PSG2: variants seen among roughly 807,000 people sequenced by gnomAD.
PSG2 encodes the protein pregnancy-specific beta-1-glycoprotein 2.
PSG2 carries 49 observed loss-of-function variants against 36.2 expected under a neutral mutation model. That is an observed-to-expected ratio of 1.35 (90% CI 1.08 to 1.72). The LOEUF is 1.72. Ranked by LOEUF, PSG2 falls within the 40% of genes most tolerant of loss-of-function variation. The pLI is 0.00. For synonymous variants in PSG2, 261 were observed against 155.6 expected (o/e 1.68, Z -5.04); for missense variants, 605 against 407.2 (o/e 1.49, Z -4.18).
intron 2 of PSG2, among the ~76,000 whole-genome samples, chr19:43,078,850 G>C (rs1967932690): frequency 6.6e-6 from 1 of 151,594 alleles, no homozygotes; most frequent in Non-Finnish European, 1.5e-5. Context: ...AGTGGTTGGA[G>C]GGACTTCCTA....
intron 2 of PSG2, among the ~76,000 whole-genome samples, chr19:43,080,033 G>T (rs1219691097): frequency 4.0e-5 from 6 of 151,738 alleles, no homozygotes; most frequent in South Asian, 4.1e-4. Context: ...AAATGTTAAA[G>T]TATTCACAGT....
chr19:43,075,851 T>C (rs1162288595), intron 2 of PSG2, among the ~76,000 whole-genome samples: 1 of 151,310 alleles, frequency 6.6e-6, no homozygotes, highest in Non-Finnish European at 1.5e-5. Context: ...CTTTCTCAGG[T>C]GTGTATTGAG....
chr19:43,068,415 G>T (rs1345933517), intron 4 of PSG2, among the ~76,000 whole-genome samples: 1 of 149,698 alleles, frequency 6.7e-6, no homozygotes, highest in Non-Finnish European at 1.5e-5. Flanking sequence ...TTCCATCCTG[G>T]GCTGGCCTAC....
At chr19:43,067,680 G>C (rs1259115425) in intron 4 of PSG2, among the ~76,000 whole-genome samples, 2 of 151,214 alleles carry the variant, frequency 1.3e-5, no homozygotes, top group Non-Finnish European at 2.9e-5. Context: ...AGGACTATTT[G>C]ACCTCAAGGT....
At chr19:43,071,443 A>G (rs906224716) in intron 4 of PSG2, among the ~76,000 whole-genome samples, 5 of 151,610 alleles carry the variant, frequency 3.3e-5, no homozygotes, top group South Asian at 4.2e-4. Context: ...AGCCTCTTCT[A>G]CCACATAGGG....
chr19:43,072,928 C>A (rs919170366), intron 3 of PSG2, among the ~76,000 whole-genome samples: 12 of 151,760 alleles, frequency 7.9e-5, no homozygotes, highest in South Asian at 2.1e-4. Context: ...CAGTCTCTCC[C>A]TAATCAGTTG....
At chr19:43,072,596 T>C in intron 3 of PSG2, 3 of 1,611,484 alleles carry the variant, frequency 1.9e-6, no homozygotes, top group Non-Finnish European at 2.5e-6. Flanking sequence ...GGGGTTTAAG[T>C]TGTTGATGGT....
In PSG2 at chr19:43,071,302, T is replaced by A. The variant is rs369816778; in HGVS notation, c.964+398A>T. Among the ~76,000 whole-genome samples, 9 of 151,360 alleles carry A rather than the reference T, an allele frequency of 5.9e-5. No individual in the cohort carries two copies. In the South Asian group the frequency reaches 1.9e-3, roughly 32 times the overall value. On this transcript the variant is annotated intron_variant, in intron 4 of 5. Transcript: ENST00000406487. ...ATTTGGGGGAAAAGTGTGAGCTTGT[T>A]TCAAAGCCTCAGATGTTCCTTGTAG...
rs1973302 is a variant in PSG2, at chr19:43,074,311, G to T, written c.709+1043C>A. Among the ~76,000 whole-genome samples, 10 of 151,286 alleles carry T rather than the reference G, an allele frequency of 6.6e-5. 1 individual carries two copies. Among genetic ancestry groups the T allele is most frequent in the East Asian group, 3.9e-4 (2 of 5,190 alleles). ...AGTATTGTCTTTCTAACAATATTGA[G>T]TCTTCCAATCCATGAAAATGAAATG... On this transcript the variant is annotated intron_variant, in intron 3 of 5. Coordinates refer to ENST00000406487, the MANE Select transcript of PSG2 (RefSeq NM_031246.4).
At chr19:43,075,854 G>T (rs1967888388) in intron 2 of PSG2, among the ~76,000 whole-genome samples, 1 of 151,540 alleles carries the variant, frequency 6.6e-6, no homozygotes, top group Non-Finnish European at 1.5e-5. Flanking sequence ...TCTCAGGTGT[G>T]TATTGAGCAG....
chr19:43,075,660 C>T (rs1234464511), intron 2 of PSG2, 28 bp from the exon 3 acceptor site: 1 of 1,598,568 alleles, frequency 6.3e-7, no homozygotes, highest in Non-Finnish European at 8.5e-7. Flanking sequence ...AGAAGATTGC[C>T]CTGTGTGGCA....
rs139224088 is a variant in PSG2, at chr19:43,079,426, T to C, written c.430+1455A>G. On this transcript the variant is annotated intron_variant, in intron 2 of 5. Coordinates refer to ENST00000406487, the MANE Select transcript of PSG2 (RefSeq NM_031246.4). ...AGGGACAGGTGTGGCTAGGACCTCC[T>C]AGGATTCTGCATCCAACATCCAGTC... 2.0e-5 allele frequency among the ~76,000 whole-genome samples: 3 copies of C among 151,630 alleles called. 1 individual carries two copies. In the South Asian group the frequency reaches 6.2e-4, roughly 32 times the overall value.
At chr19:43,078,109 C>G (rs1371018663) in intron 2 of PSG2, among the ~76,000 whole-genome samples, 2 of 151,760 alleles carry the variant, frequency 1.3e-5, no homozygotes, top group African/African-American at 2.4e-5. Context: ...TGACAGCAAA[C>G]TAGCATGGCT....
intron 2 of PSG2, among the ~76,000 whole-genome samples, chr19:43,077,657 T>C (rs1407494499): frequency 6.6e-6 from 1 of 151,724 alleles, no homozygotes; most frequent in Non-Finnish European, 1.5e-5. Context: ...CCTGGTCACC[T>C]CCAACTGGTC....
rs1375909858 is a variant in PSG2 at position 43,075,351 on chromosome 19, C to A, written c.709+3G>T. ...GGCCCACAGAGGAACAGAAGATACT[C>A]ACGGAGGAGATTCAGGGTGACTGGG... On this transcript the variant is annotated splice_donor_region_variant and intron_variant, in intron 3 of 5. Coordinates refer to ENST00000406487, the MANE Select transcript of PSG2 (RefSeq NM_031246.4). 62 of 1,613,114 alleles carry A rather than the reference C, an allele frequency of 3.8e-5. 1 individual carries two copies. Among genetic ancestry groups the A allele is most frequent in the Non-Finnish European group, 5.2e-5 (61 of 1,179,582 alleles).
chr19:43,064,452 C>A lies in PSG2; in HGVS notation c.*190G>T, dbSNP rs937364508. 17 of 414,342 alleles carry A rather than the reference C, an allele frequency of 4.1e-5. No homozygotes were observed. Among genetic ancestry groups the A allele is most frequent in the East Asian group, 7.5e-5 (2 of 26,570 alleles). The allele number at this position is 414,342 out of a possible 1,614,324, so 25.7% of individuals were successfully genotyped here. ...TCCTTTTGATTATTTAGTCCAATAACATTGAGTATTTTTCTTCTTTGTCTT... is the reference window on the plus strand; with the variant it reads ...TCCTTTTGATTATTTAGTCCAATAAAATTGAGTATTTTTCTTCTTTGTCTT... On this transcript the variant is annotated 3_prime_UTR_variant, in exon 6 of 6. Coordinates refer to ENST00000406487, the MANE Select transcript of PSG2 (RefSeq NM_031246.4).
At chr19:43,067,676 A>G (rs747886429) in intron 4 of PSG2, among the ~76,000 whole-genome samples, 5 of 151,254 alleles carry the variant, frequency 3.3e-5, no homozygotes, top group Admixed American at 2.6e-4. Context: ...TTCTAGGACT[A>G]TTTGACCTCA....
Position 43,075,500 on chromosome 19 carries a change from G to T in PSG2, c.563C>A (p.Pro188His). ...GGACAGCTGAAACCTATGAGTCATA[G>T]GGAGGCTCTGACCATTCATCCACCA... ...YQWWMNGQSL[P>H]MTHRFQLSET... is the part of the protein sequence containing the mutation. Residue 188 changes from proline (P) to histidine (H), a missense_variant, in exon 3 of 6, where the codon CCT becomes CAT. By Grantham distance (77) the Pro-to-His change is moderately conservative. Coordinates refer to ENST00000406487, the MANE Select transcript of PSG2 (RefSeq NM_031246.4). 1 of 1,613,218 alleles carries T rather than the reference G, an allele frequency of 6.2e-7. No homozygotes were observed. The highest frequency in any genetic ancestry group is 8.5e-7 in the Non-Finnish European group (1 of 1,179,710).
chr19:43,072,540 C>T, intron 3 of PSG2: 3 of 1,611,300 alleles, frequency 1.9e-6, no homozygotes, highest in Non-Finnish European at 2.5e-6. Context: ...GTGTAGCTCT[C>T]ACTCTTAGGT....
Sources: allele counts gnomAD v4.1 joint callset (sites outside exome capture counted in the v4.1 genomes callset), GRCh38; gene constraint gnomAD v4.1.1; transcripts MANE v1.5; gene names NCBI Gene and HGNC (gene_info 2026-07-23, HGNC 2026-07-21).